Variants in STON1 observed in about 807,000 individuals in gnomAD.
The protein encoded by STON1 is stonin-1.
In STON1, 79 loss-of-function variants were observed where a neutral mutation model predicts 60.9. That is an observed-to-expected ratio of 1.30 (90% confidence interval 1.08 to 1.56). The LOEUF (loss-of-function observed/expected upper bound fraction) is 1.56, where lower values mean the gene tolerates loss of function less well. Ranked by LOEUF, STON1 falls within the 40% of genes most tolerant of loss-of-function variation. STON1 has a pLI of 0.00. For missense variants in STON1, 1,166 were observed against 858.9 expected, an observed-to-expected ratio of 1.36 and a Z score of -4.47; for synonymous variants, 363 against 306.9, an observed-to-expected ratio of 1.18 and a Z score of -1.91.
intron 2 of STON1, among the ~76,000 whole-genome samples, chr2:48,587,206 T>C (rs1263025204): frequency 6.6e-6 from 1 of 152,220 alleles, no homozygotes; most frequent in Non-Finnish European, 1.5e-5. Flanking sequence ...ACTGACGTGA[T>C]CCCCTAGGCA....
chr2:48,532,346 C>CTAAATAAA (rs10564346), intron 1 of STON1, among the ~76,000 whole-genome samples: 114 of 134,528 alleles, frequency 8.5e-4, no homozygotes, highest in Admixed American at 3.9e-3. Context: ...AAGACTCTGT[C>CTAAATAAA]TAAATAAATA....
intron 1 of STON1, among the ~76,000 whole-genome samples, chr2:48,550,729 A>G (rs1048105135): frequency 6.6e-6 from 1 of 151,652 alleles, no homozygotes; most frequent in Non-Finnish European, 1.5e-5. Context: ...TGTCTTCTGA[A>G]TTCTTTCACT....
Position 48,580,823 on chromosome 2 carries a change from T to G in STON1, c.190T>G (p.Ser64Ala). The part of the protein sequence containing the change: ...SSSTSSTPLS[S>A]PIVDFYFSPG... The stretch of plus-strand genomic sequence containing the variant: ...CTCCACCAGCAGCACTCCTCTCTCC[T>G]CCCCCATTGTAGATTTTTATTTCAG... Residue 64 changes from serine to alanine, a missense_variant, in exon 2 of 4, where the codon TCC (serine) becomes GCC (alanine). Physicochemically the swap from Ser to Ala is moderately conservative, Grantham distance 99. Transcript: ENST00000404752. 6.5e-7 allele frequency: 1 copy of G among 1,548,428 alleles called. No individual in the cohort carries two copies. The highest frequency in any genetic ancestry group is 8.7e-7 in the Non-Finnish European group (1 of 1,150,634).
chr2:48,549,807 T>C (rs866422780), intron 1 of STON1, among the ~76,000 whole-genome samples: 82 of 77,968 alleles, frequency 1.1e-3, no homozygotes, highest in Middle Eastern at 0.011. Flanking sequence ...AGTGACTCCA[T>C]CTCAAAAAAA....
In STON1 at chr2:48,564,563, T is replaced by TCTTCTG. The variant is rs1558605607; in HGVS notation, c.-47-16019_-47-16018insGCTTCT. ...TTCTTCTTCTTCTTCTTCTTCTTCT[T>TCTTCTG]CTTCTCCTTCTCCTTCTCCTCCTCC... On this transcript the variant is annotated intron_variant, in intron 1 of 3. Transcript: ENST00000404752. 7.1e-5 allele frequency among the ~76,000 whole-genome samples: 2 copies of TCTTCTG among 28,368 alleles called. 1 individual carries two copies. Among genetic ancestry groups the TCTTCTG allele is most frequent in the East Asian group, 2.6e-3 (2 of 780 alleles). 18.6% of individuals were successfully genotyped at this position (28,368 alleles called of 152,430 possible).
intron 2 of STON1, among the ~76,000 whole-genome samples, chr2:48,583,950 C>A (rs1395743528): frequency 6.6e-6 from 1 of 151,796 alleles, no homozygotes; most frequent in Non-Finnish European, 1.5e-5. Flanking sequence ...AGGGTTTCAC[C>A]ATATTGGCCA....
chr2:48,553,860 AG>A (rs1672201884), intron 1 of STON1, among the ~76,000 whole-genome samples: 1 of 152,202 alleles, frequency 6.6e-6, no homozygotes, highest in South Asian at 2.1e-4. Context: ...ACTGCTTGAT[AG>A]CAGTGACTTG....
At chr2:48,575,514 A>G (rs1673433279) in intron 1 of STON1, among the ~76,000 whole-genome samples, 3 of 151,796 alleles carry the variant, frequency 2.0e-5, no homozygotes, top group Admixed American at 1.3e-4. Context: ...TTAGCCGGGC[A>G]TGGTGGTGCA....
intron 1 of STON1, among the ~76,000 whole-genome samples, chr2:48,539,299 A>G (rs1671562309): frequency 6.6e-6 from 1 of 152,056 alleles, no homozygotes; most frequent in Non-Finnish European, 1.5e-5. Context: ...TAATCTTTTC[A>G]AATAAACAGC....
In STON1 at chr2:48,581,966, C is replaced by G; in HGVS notation, c.1333C>G (p.Leu445Val). The G allele has an allele frequency of 1.2e-6, 2 of 1,614,114 alleles. No individual in the cohort carries two copies. The highest frequency in any genetic ancestry group is 1.7e-6 in the Non-Finnish European group (2 of 1,180,022). Residue 445 changes from leucine to valine, a missense_variant, in exon 2 of 4, where the codon CTC becomes GTC. Physicochemically the swap from Leu to Val is conservative, Grantham distance 32. Coordinates refer to ENST00000404752, the MANE Select transcript of STON1 (RefSeq NM_006873.4). ...TGCTGTGATAACTCAAATTTATTGC[C>G]TCTGCTTTGTGAATGGGAACCTGGA... ...ESAVITQIYC[L>V]CFVNGNLECF...
chr2:48,558,780 A>G (rs1013990159), intron 1 of STON1, among the ~76,000 whole-genome samples: 1 of 152,200 alleles, frequency 6.6e-6, no homozygotes, highest in South Asian at 2.1e-4. Context: ...CCAGGGCTGC[A>G]TTTGATACTG....
chr2:48,555,328 C>T (rs1672288213), intron 1 of STON1, among the ~76,000 whole-genome samples: 1 of 59,990 alleles, frequency 1.7e-5, no homozygotes, highest in South Asian at 7.2e-4. Context: ...GGGCTGACCC[C>T]CCCCACCTCC....
In STON1 at chr2:48,562,705, A is replaced by C. The variant is rs1006119833; in HGVS notation, c.-47-17882A>C. Among the ~76,000 whole-genome samples, 186 of 152,344 alleles carry C rather than the reference A, an allele frequency of 1.2e-3. 3 individuals carry two copies. The highest frequency in any genetic ancestry group is 0.012 in the Admixed American group (185 of 15,304). ...TTTGGGTTGAGCCTTTGCTGTGGCT[A>C]GAGCACAGAAGCTTATGAAGGAGGA... On this transcript the variant is annotated intron_variant, in intron 1 of 3. Transcript: ENST00000404752.
At chr2:48,533,699 A>G (rs564036287) in intron 1 of STON1, among the ~76,000 whole-genome samples, 1 of 151,570 alleles carries the variant, frequency 6.6e-6, no homozygotes, top group South Asian at 2.1e-4. Context: ...AAAGATGTAA[A>G]ATAACCCAAA....
chr2:48,564,483 CTTCTTCTT>C lies in STON1; in HGVS notation c.-47-16103_-47-16096del, dbSNP rs1672791286. On this transcript the variant is annotated intron_variant, in intron 1 of 3. Coordinates refer to ENST00000404752, the MANE Select transcript of STON1 (RefSeq NM_006873.4). Reference sequence around the variant, plus strand: ...CTTCTTCTTCTTCTTCTTCTTCTTTCTTCTTCTTCTTCTTCTTCTTCTTCTTCTTCTTC... The same window carrying C: ...CTTCTTCTTCTTCTTCTTCTTCTTTCCTTCTTCTTCTTCTTCTTCTTCTTC... 2.3e-4 allele frequency among the ~76,000 whole-genome samples: 6 copies of C among 26,386 alleles called. 1 individual carries two copies. The highest frequency in any genetic ancestry group is 7.4e-4 in the African/African-American group (5 of 6,756). 17.3% of individuals were successfully genotyped at this position (26,386 alleles called of 152,430 possible).
chr2:48,577,568 G>A (rs942173474), intron 1 of STON1, among the ~76,000 whole-genome samples: 6 of 149,572 alleles, frequency 4.0e-5, no homozygotes, highest in African/African-American at 1.2e-4. Flanking sequence ...GCGACAGAGC[G>A]AGACTCCGTC....
At chr2:48,572,879 G>A (rs1038219737) in intron 1 of STON1, among the ~76,000 whole-genome samples, 1 of 152,178 alleles carries the variant, frequency 6.6e-6, no homozygotes, top group African/African-American at 2.4e-5. Context: ...CTGAGGGAAG[G>A]TGCTTCACAG....
intron 1 of STON1, among the ~76,000 whole-genome samples, chr2:48,566,769 A>G (rs1672962275): frequency 6.6e-6 from 1 of 152,202 alleles, no homozygotes; most frequent in African/African-American, 2.4e-5. Flanking sequence ...ATTGATTGAA[A>G]CAAACATTGA....
chr2:48,543,493 G>A (rs34858824), intron 1 of STON1, among the ~76,000 whole-genome samples: 1 of 151,042 alleles, frequency 6.6e-6, no homozygotes, highest in Non-Finnish European at 1.5e-5. Context: ...CTGCCTTTTA[G>A]GAGATAAAAA....
Sources: gnomAD v4.1 joint callset for allele counts (sites outside exome capture counted in the v4.1 genomes callset) on GRCh38, gnomAD v4.1.1 for gene constraint, MANE v1.5 for transcripts, NCBI Gene and HGNC (gene_info 2026-07-23, HGNC 2026-07-21) for gene names.